UPB1: variants seen among roughly 807,000 people sequenced by gnomAD.
The protein encoded by UPB1 is beta-ureidopropionase.
In UPB1, 40 loss-of-function variants were observed where a neutral mutation model predicts 49.1. That is an observed-to-expected ratio of 0.81 (90% CI 0.63 to 1.06). The LOEUF is 1.06. UPB1 is among the 50% of genes least tolerant of loss of function. The pLI is 0.00. For missense variants in UPB1, 499 were observed against 505.9 expected (o/e 0.99, Z 0.13); for synonymous variants, 207 against 198.2 (o/e 1.04, Z -0.38).
Position 24,519,299 on chromosome 22 carries a change from C to G in UPB1, c.792-1088C>G, listed in dbSNP as rs111431021. 3.6e-3 allele frequency among the ~76,000 whole-genome samples: 555 copies of G among 152,202 alleles called. 7 individuals are homozygous for G. The highest frequency in any genetic ancestry group is 0.013 in the African/African-American group (535 of 41,524). On this transcript the variant is annotated intron_variant, in intron 6 of 9. Transcript: ENST00000326010. Reference sequence around the variant, plus strand: ...CCCTCCACCTACTCCCTGGTTTAAACCAGGTGCCTGCTGACACGAAGGAAG... The same window carrying G: ...CCCTCCACCTACTCCCTGGTTTAAAGCAGGTGCCTGCTGACACGAAGGAAG...
intron 6 of UPB1, among the ~76,000 whole-genome samples, chr22:24,519,505 G>C (rs1194588250): frequency 6.6e-6 from 1 of 152,118 alleles, no homozygotes; most frequent in African/African-American, 2.4e-5. Flanking sequence ...TTGGGGCCGT[G>C]TCTCCCATCG....
rs373673403 is a variant in UPB1 at position 24,500,187 on chromosome 22, C to T, written c.185C>T (p.Ala62Val). 4.8e-5 allele frequency: 78 copies of T among 1,614,076 alleles called. No homozygotes were observed. The highest frequency in any genetic ancestry group is 5.9e-5 in the Non-Finnish European group (70 of 1,180,038). The change falls in exon 2 of 10, where the codon GCG (alanine) becomes GTG (valine). Residue 62 changes from alanine (A) to valine (V), a missense_variant. Coordinates refer to ENST00000326010, the MANE Select transcript of UPB1 (RefSeq NM_016327.3). ...CTGCAGGGATATGCCTTTGAAGCAG[C>T]GGAGGAGCAGCTGAGACGACCCCGC... The part of the protein sequence containing the change: ...FELQGYAFEA[A>V]EEQLRRPRIV...
intron 7 of UPB1, among the ~76,000 whole-genome samples, chr22:24,520,788 C>T (rs551813133): frequency 6.6e-6 from 1 of 152,288 alleles, no homozygotes; most frequent in South Asian, 2.1e-4. Flanking sequence ...TCTTCCTCAT[C>T]CTTATTAATC....
At chr22:24,508,506 C>T (rs1457050162) in intron 3 of UPB1, among the ~76,000 whole-genome samples, 3 of 151,878 alleles carry the variant, frequency 2.0e-5, no homozygotes. Context: ...TTGCAATGAG[C>T]CAAGATCGTG....
intron 3 of UPB1, among the ~76,000 whole-genome samples, chr22:24,505,745 G>A (rs1423744343): frequency 2.0e-5 from 3 of 151,752 alleles, no homozygotes; most frequent in African/African-American, 7.3e-5. Flanking sequence ...TGGAGTCTTG[G>A]TCTGTCACCC....
chr22:24,523,404 C>T (rs2044430189), intron 8 of UPB1, among the ~76,000 whole-genome samples: 1 of 152,208 alleles, frequency 6.6e-6, no homozygotes, highest in Admixed American at 6.5e-5. Flanking sequence ...TCCCCAGGGG[C>T]AAAGGGAAGC....
rs138008709 is a variant in UPB1 at position 24,506,720 on chromosome 22, C to G, written c.365-4029C>G. On this transcript the variant is annotated intron_variant, in intron 3 of 9. Coordinates refer to ENST00000326010, the MANE Select transcript of UPB1 (RefSeq NM_016327.3). ...GAGGATAGTATCTGTGTTTGTTTTT[C>G]CCAACTCTCCACCCACCCCTGTTTC... 2.1e-3 allele frequency among the ~76,000 whole-genome samples: 324 copies of G among 152,286 alleles called. 2 individuals carry two copies. Among genetic ancestry groups the G allele is most frequent in the African/African-American group, 7.2e-3 (301 of 41,542 alleles).
chr22:24,517,538 C>A (rs1371608811), intron 6 of UPB1, among the ~76,000 whole-genome samples: 5 of 152,232 alleles, frequency 3.3e-5, no homozygotes, highest in Non-Finnish European at 7.3e-5. Context: ...GCTGTGGACT[C>A]AGATGGCTCC....
At chr22:24,525,558 T>A (rs2044469073) in intron 9 of UPB1, among the ~76,000 whole-genome samples, 153 bp from the exon 10 acceptor site, 2 of 152,316 alleles carry the variant, frequency 1.3e-5, no homozygotes, top group Middle Eastern at 3.4e-3. Context: ...TTTGCCACAG[T>A]ACTAGAATCA....
In UPB1 at chr22:24,510,785, C is replaced by G. The variant is rs763014648; in HGVS notation, c.401C>G (p.Pro134Arg). ...PFAFCTREKL[P>R]WTEFAESAED... ...GCCTTCTGTACGAGAGAGAAGCTTC[C>G]TTGGACAGAATTTGCTGAGTCAGCA... Residue 134 changes from proline (P) to arginine (R), a missense_variant, in exon 4 of 10, where the codon CCT becomes CGT. Physicochemically the swap from Pro to Arg is moderately radical, Grantham distance 103 (BLOSUM62 -2). Coordinates refer to ENST00000326010, the MANE Select transcript of UPB1 (RefSeq NM_016327.3). The G allele has an allele frequency of 6.2e-7, 1 of 1,614,170 alleles. No individual in the cohort carries two copies. Among genetic ancestry groups the G allele is most frequent in the Non-Finnish European group, 8.5e-7 (1 of 1,180,026 alleles).
chr22:24,500,573 T>C (rs1353241320), intron 2 of UPB1, among the ~76,000 whole-genome samples: 2 of 152,246 alleles, frequency 1.3e-5, no homozygotes, highest in Non-Finnish European at 2.9e-5. Context: ...TTTGGCCTGC[T>C]CGTGCTCTCC....
rs2044239622 is a variant in UPB1 at position 24,513,352 on chromosome 22, T to C, written c.488T>C (p.Val163Ala). The C allele has an allele frequency of 6.2e-7, 1 of 1,614,218 alleles. No homozygotes were observed. The highest frequency in any genetic ancestry group is 1.3e-5 in the African/African-American group (1 of 75,050). The stretch of plus-strand genomic sequence containing the variant: ...GCGAAGAACCATGACATGGTGGTGG[T>C]GTCTCCCATCCTGGAACGAGACAGC... ...KLAKNHDMVV[V>A]SPILERDSEH... Residue 163 changes from valine (V) to alanine (A), a missense_variant, in exon 5 of 10, where the codon GTG becomes GCG. Val to Ala is a moderately conservative substitution (Grantham distance 64, BLOSUM62 0). Coordinates refer to ENST00000326010, the MANE Select transcript of UPB1 (RefSeq NM_016327.3).
chr22:24,510,947 C>T, intron 4 of UPB1, 104 bp downstream of exon 4: 1 of 1,156,968 alleles, frequency 8.6e-7, no homozygotes. Flanking sequence ...AAAATGCACC[C>T]ATTTGGTGCT....
Position 24,521,981 on chromosome 22 carries a change from C to T in UPB1, c.874-5C>T, listed in dbSNP as rs772101918. ...GGTTCCTCTTACCTTGGTCTTATTT[C>T]ACAGGAGCACTTCCCGAACGAGTTT... On this transcript the variant is annotated splice_region_variant and splice_polypyrimidine_tract_variant and intron_variant, in intron 7 of 9. Transcript: ENST00000326010. The T allele has an allele frequency of 6.2e-7, 1 of 1,614,118 alleles. No homozygotes were observed. The highest frequency in any genetic ancestry group is 1.1e-5 in the South Asian group (1 of 91,068).
intron 4 of UPB1, 62 bp downstream of exon 4, chr22:24,510,905 C>T: frequency 6.4e-7 from 1 of 1,550,986 alleles, no homozygotes; most frequent in Admixed American, 1.7e-5. Context: ...CAGAGCATGA[C>T]CACAGCTGCC....
At position 24,499,040 on chromosome 22, in the gene UPB1, T is replaced by C. The variant is rs147194035; in HGVS notation, c.105-1067T>C. On this transcript the variant is annotated intron_variant, in intron 1 of 9. Transcript: ENST00000326010. The stretch of plus-strand genomic sequence containing the variant: ...GCAAGGAGAGGCACGGTGTGGGCAC[T>C]GCTGCTATTTCTAACCTGCTGGAGT... Among the ~76,000 whole-genome samples the C allele has an allele frequency of 6.7e-3, 1,026 of 152,332 alleles. 17 individuals carry two copies. Among genetic ancestry groups the C allele is most frequent in the African/African-American group, 0.023 (964 of 41,572 alleles).
chr22:24,498,204 A>G (rs1174495263), intron 1 of UPB1, among the ~76,000 whole-genome samples: 1 of 152,068 alleles, frequency 6.6e-6, no homozygotes, highest in East Asian at 1.9e-4. Flanking sequence ...TACCCTCATG[A>G]CCTAATCACC....
At chr22:24,513,621 T>C in intron 5 of UPB1, 136 bp downstream of exon 5, 1 of 1,267,784 alleles carries the variant, frequency 7.9e-7, no homozygotes, top group Non-Finnish European at 1.1e-6. Flanking sequence ...GGGAGCACAG[T>C]GTGGCTGCAG....
chr22:24,515,222 A>T lies in UPB1; in HGVS notation c.643A>T (p.Asn215Tyr), dbSNP rs1321438768. The change falls in exon 6 of 10, where the codon AAC becomes TAC. Residue 215 changes from asparagine to tyrosine, a missense_variant. Coordinates refer to ENST00000326010, the MANE Select transcript of UPB1 (RefSeq NM_016327.3). ...TCAGTCAACTTACTACATGGAGGGA[A>T]ACCTGGGCCACCCCGTGTTCCAGAC... ...FNESTYYMEG[N>Y]LGHPVFQTQF... 1.2e-6 allele frequency: 2 copies of T among 1,614,054 alleles called. No individual in the cohort carries two copies. The highest frequency in any genetic ancestry group is 2.7e-5 in the African/African-American group (2 of 74,912).
Sources: gnomAD v4.1 joint callset for allele counts (sites outside exome capture counted in the v4.1 genomes callset) on GRCh38, gnomAD v4.1.1 for gene constraint, MANE v1.5 for transcripts, NCBI Gene and HGNC (gene_info 2026-07-23, HGNC 2026-07-21) for gene names.